The following ANKEF1 variants were observed in gnomAD, a reference collection of about 807,000 sequenced individuals.
ANKEF1 encodes the protein ankyrin repeat and EF-hand domain-containing protein 1.
In ANKEF1, 43 loss-of-function variants were observed where a neutral mutation model predicts 65.1. The ratio of observed to expected loss-of-function variants is 0.66; its 90% CI spans 0.52 to 0.85. ANKEF1 has a LOEUF of 0.85. ANKEF1 is among the 40% of genes least tolerant of loss of function. ANKEF1 has a pLI of 0.00. For missense variants in ANKEF1, 934 were observed against 952.9 expected (o/e 0.98, Z 0.26); for synonymous variants, 316 against 341.5 (o/e 0.93, Z 0.82).
At position 10,043,220 on chromosome 20, in the gene ANKEF1, G is replaced by C; in HGVS notation, c.445G>C (p.Gly149Arg). 6.2e-7 allele frequency: 1 copy of C among 1,614,146 alleles called. No homozygotes were observed. The highest frequency in any genetic ancestry group is 2.2e-5 in the East Asian group (1 of 44,876). ...GADVNNSTYE[G>R]KPIFLRACED... ...AGATGTCAACAATTCTACCTATGAA[G>C]GAAAGCCAATATTCCTTAGAGCTTG... is the stretch of plus-strand genomic sequence containing the variant. The change falls in exon 4 of 11, where the codon GGA becomes CGA. Residue 149 changes from glycine (G) to arginine (R), a missense_variant. Coordinates refer to ENST00000378392, the MANE Select transcript of ANKEF1 (RefSeq NM_022096.6).
At chr20:10,048,574 T>C (rs1016800558) in intron 6 of ANKEF1, among the ~76,000 whole-genome samples, 3 of 152,196 alleles carry the variant, frequency 2.0e-5, no homozygotes, top group Non-Finnish European at 4.4e-5. Flanking sequence ...AGTATTAATC[T>C]TGAAAAACAT....
chr20:10,036,666 A>G (rs1384481564), intron 2 of ANKEF1, among the ~76,000 whole-genome samples: 3 of 152,190 alleles, frequency 2.0e-5, no homozygotes, highest in African/African-American at 7.2e-5. Flanking sequence ...ACATGGTGAA[A>G]CCCTGTCTTT....
At position 10,049,996 on chromosome 20, in the gene ANKEF1, A is replaced by AT; in HGVS notation, c.1428dup (p.Pro477SerfsTer5). The AT allele has an allele frequency of 6.2e-7, 1 of 1,614,142 alleles. No homozygotes were observed. Among genetic ancestry groups the AT allele is most frequent in the Non-Finnish European group, 8.5e-7 (1 of 1,180,004 alleles). Reference sequence around the variant, plus strand: ...TTTAATAGAGATCATCCCCCAGAACATCCCATTCAGGATGACTCTGTTTGG... The same window carrying AT: ...TTTAATAGAGATCATCCCCCAGAACATTCCCATTCAGGATGACTCTGTTTGG... On this transcript the variant is annotated frameshift_variant, in exon 7 of 11. Transcript: ENST00000378392. LOFTEE classifies it high-confidence loss of function.
Position 10,055,540 on chromosome 20 carries a change from G to A in ANKEF1, c.2211G>A (p.Arg737=), listed in dbSNP as rs867919514. Reference sequence around the variant, plus strand: ...AAGCCACAACAGCAGAGCTGATCAGGAAGAGGGAACTACGGCGAGAGAGGT... The same window carrying A: ...AAGCCACAACAGCAGAGCTGATCAGAAAGAGGGAACTACGGCGAGAGAGGT... ...SPEATTAELI[R]KRELRRERFT... Residue 737 remains arginine, a synonymous_variant, in exon 11 of 11, where the codon AGG becomes AGA. Coordinates refer to ENST00000378392, the MANE Select transcript of ANKEF1 (RefSeq NM_022096.6). 1.2e-6 allele frequency: 2 copies of A among 1,613,782 alleles called. No individual in the cohort carries two copies. Among genetic ancestry groups the A allele is most frequent in the Non-Finnish European group, 1.7e-6 (2 of 1,179,806 alleles).
At position 10,050,013 on chromosome 20, in the gene ANKEF1, T is replaced by C. The variant is rs921375405; in HGVS notation, c.1444T>C (p.Ser482Pro). 1.2e-6 allele frequency: 2 copies of C among 1,614,174 alleles called. No individual in the cohort carries two copies. ...CCCAGAACATCCCATTCAGGATGACTCTGTTTGGTACATTGATGATTCAGA... is the reference window on the plus strand; with the variant it reads ...CCCAGAACATCCCATTCAGGATGACCCTGTTTGGTACATTGATGATTCAGA... Reference protein sequence around the residue: ...HPPEHPIQDDSVWYIDDSEKV... With the variant: ...HPPEHPIQDDPVWYIDDSEKV... Residue 482 changes from serine to proline, a missense_variant, in exon 7 of 11, where the codon TCT becomes CCT. Transcript: ENST00000378392.
intron 6 of ANKEF1, among the ~76,000 whole-genome samples, chr20:10,046,102 C>T (rs953512514): frequency 3.9e-5 from 6 of 152,076 alleles, no homozygotes; most frequent in African/African-American, 1.4e-4. Flanking sequence ...AAAACCGCGC[C>T]TCTACTAACA....
intron 6 of ANKEF1, 35 bp downstream of exon 6, chr20:10,045,732 T>A: frequency 6.2e-7 from 1 of 1,609,960 alleles, no homozygotes; most frequent in Non-Finnish European, 8.5e-7. Context: ...CTTCAAGTAC[T>A]TATGATTTAC....
At chr20:10,041,914 A>G (rs1310512236) in intron 3 of ANKEF1, among the ~76,000 whole-genome samples, 2 of 152,208 alleles carry the variant, frequency 1.3e-5, no homozygotes, top group Non-Finnish European at 2.9e-5. Context: ...TTACATGAAC[A>G]AAGTCTTGAT....
At position 10,045,609 on chromosome 20, in the gene ANKEF1, G is replaced by C; in HGVS notation, c.732G>C (p.Val244=). 6.2e-7 allele frequency: 1 copy of C among 1,613,716 alleles called. No homozygotes were observed. Among genetic ancestry groups the C allele is most frequent in the Non-Finnish European group, 8.5e-7 (1 of 1,179,796 alleles). The change falls in exon 6 of 11, where the codon GTG becomes GTC. Residue 244 remains valine, a synonymous_variant. Coordinates refer to ENST00000378392, the MANE Select transcript of ANKEF1 (RefSeq NM_022096.6). ...TTCTTTTTGCCTACAATGGAGACGT[G>C]GGGCTGATTTCGATAAATGGGAACA... The part of the protein sequence containing the change: ...LKLLFAYNGD[V]GLISINGNTP...
chr20:10,052,436 C>G (rs529206894), intron 8 of ANKEF1, among the ~76,000 whole-genome samples: 1 of 152,188 alleles, frequency 6.6e-6, no homozygotes, highest in East Asian at 1.9e-4. Flanking sequence ...TTCCCTGACT[C>G]TAGGAAGTAA....
intron 3 of ANKEF1, 106 bp from the exon 4 acceptor site, chr20:10,043,016 G>T: frequency 1.8e-6 from 2 of 1,089,938 alleles, no homozygotes; most frequent in Non-Finnish European, 2.6e-6. Flanking sequence ...AACTGAGGCA[G>T]ATATGCCTTT....
intron 7 of ANKEF1, among the ~76,000 whole-genome samples, chr20:10,051,200 A>T (rs1190199581): frequency 6.6e-6 from 1 of 152,182 alleles, no homozygotes; most frequent in Non-Finnish European, 1.5e-5. Flanking sequence ...TTTAATGTTA[A>T]AGAAAGACTC....
rs73897518 is a variant in ANKEF1, at chr20:10,038,692, T to C, written c.346+45T>C. On this transcript the variant is annotated intron_variant, in intron 3 of 10. Coordinates refer to ENST00000378392, the MANE Select transcript of ANKEF1 (RefSeq NM_022096.6). ...CTCCAGCAGATTGCAATTCATTTTG[T>C]AGCCAGAAAGCAATAACATGGACTC... The C allele has an allele frequency of 1.6e-3, 2,286 of 1,435,970 alleles. 45 individuals carry two copies. In the African/African-American group the frequency reaches 0.03, roughly 19 times the overall value. 89.0% of individuals were successfully genotyped at this position (1,435,970 alleles called of 1,614,324 possible).
intron 9 of ANKEF1, among the ~76,000 whole-genome samples, chr20:10,053,658 T>C (rs604452): frequency 0.26 from 39,638 of 152,012 alleles, 5,416 homozygotes; most frequent in African/African-American, 0.31. Context: ...TAAAGCATGA[T>C]TTTTCTTCAT....
intron 7 of ANKEF1, among the ~76,000 whole-genome samples, chr20:10,050,931 C>G (rs1984825895): frequency 6.6e-6 from 1 of 152,156 alleles, no homozygotes. Context: ...TTTAAAATAT[C>G]AAATCATGAG....
rs1258878354 is a variant in ANKEF1, at chr20:10,051,776, C to G, written c.1757C>G (p.Ala586Gly). Residue 586 changes from alanine (A) to glycine (G), a missense_variant, in exon 8 of 11, where the codon GCA (alanine) becomes GGA (glycine). Physicochemically the swap from Ala to Gly is moderately conservative, Grantham distance 60. Coordinates refer to ENST00000378392, the MANE Select transcript of ANKEF1 (RefSeq NM_022096.6). ...GTTGAATCTGGAGCTTTAATAGATG[C>G]AGCTTCAATCAACAACTCAACTCCT... ...LLVESGALID[A>G]ASINNSTPLN... is the part of the protein sequence containing the mutation. 3 of 1,613,652 alleles carry G rather than the reference C, an allele frequency of 1.9e-6. No individual in the cohort carries two copies. The highest frequency in any genetic ancestry group is 2.5e-6 in the Non-Finnish European group (3 of 1,179,752).
At chr20:10,055,302 G>GTCTC (rs1259527511) in intron 10 of ANKEF1, among the ~76,000 whole-genome samples, 200 bp from the exon 11 acceptor site, 121 of 152,274 alleles carry the variant, frequency 7.9e-4, no homozygotes, top group African/African-American at 2.7e-3. Context: ...CAAAAACAGT[G>GTCTC]ATGCTCGTGC....
chr20:10,047,419 C>T (rs1309892812), intron 6 of ANKEF1, among the ~76,000 whole-genome samples: 1 of 152,228 alleles, frequency 6.6e-6, no homozygotes, highest in East Asian at 1.9e-4. Flanking sequence ...TAGAATCTTA[C>T]ATCTAAGGCA....
rs899818746 is a variant in ANKEF1 at position 10,049,828 on chromosome 20, T to A, written c.1259T>A (p.Met420Lys). 6.2e-7 allele frequency: 1 copy of A among 1,614,078 alleles called. No homozygotes were observed. Among genetic ancestry groups the A allele is most frequent in the Non-Finnish European group, 8.5e-7 (1 of 1,179,992 alleles). ...SYGPKKKEKG[M>K]GKKGKKGKFV... Reference sequence around the variant, plus strand: ...GGACCTAAGAAAAAGGAAAAAGGGATGGGCAAAAAAGGAAAGAAAGGGAAA... The same window carrying A: ...GGACCTAAGAAAAAGGAAAAAGGGAAGGGCAAAAAAGGAAAGAAAGGGAAA... The change falls in exon 7 of 11, where the codon ATG (methionine) becomes AAG (lysine). Residue 420 changes from methionine to lysine, a missense_variant. Coordinates refer to ENST00000378392, the MANE Select transcript of ANKEF1 (RefSeq NM_022096.6).
Sources: allele counts gnomAD v4.1 joint callset (sites outside exome capture counted in the v4.1 genomes callset), GRCh38; gene constraint gnomAD v4.1.1; transcripts MANE v1.5; gene names NCBI Gene and HGNC (gene_info 2026-07-23, HGNC 2026-07-21).